CEP78: variants seen among roughly 807,000 people sequenced by gnomAD.
The protein encoded by CEP78 is centrosomal protein of 78 kDa.
In CEP78, 76 loss-of-function variants were observed where a neutral mutation model predicts 81.2. The ratio of observed to expected loss-of-function variants is 0.94; its 90% CI spans 0.78 to 1.13. The LOEUF (loss-of-function observed/expected upper bound fraction) is 1.13, where lower values mean the gene tolerates loss of function less well. CEP78 is among the 50% of genes most tolerant of loss of function. The probability of loss-of-function intolerance (pLI) is 0.00; values close to 1 mark genes in which losing one functional copy is unlikely to be tolerated. For missense variants in CEP78, 918 were observed against 846.8 expected, an observed-to-expected ratio of 1.08 and a Z score of -1.04; for synonymous variants, 293 against 301.4, an observed-to-expected ratio of 0.97 and a Z score of 0.29.
intron 5 of CEP78, among the ~76,000 whole-genome samples, chr9:78,244,069 T>A (rs1461630828): frequency 6.6e-6 from 1 of 151,942 alleles, no homozygotes; most frequent in Admixed American, 6.6e-5. Flanking sequence ...TTTGTGCTTT[T>A]CCCCTGTTAT....
In CEP78 at chr9:78,248,296, T is replaced by G; in HGVS notation, c.898T>G (p.Ser300Ala). The change falls in exon 7 of 17, where the codon TCT becomes GCT. Residue 300 changes from serine to alanine, a missense_variant. Transcript: ENST00000643273. The stretch of plus-strand genomic sequence containing the variant: ...CAATTTTTATTTTACTTTAGATCAT[T>G]CTATGATGAAAGCAGTTATCAAAAA... ...DIRKNPLIDH[S>A]MMKAVIKKVL... The G allele has an allele frequency of 1.3e-6, 2 of 1,531,466 alleles. No individual in the cohort carries two copies. The highest frequency in any genetic ancestry group is 1.8e-6 in the Non-Finnish European group (2 of 1,105,150). 94.9% of individuals were successfully genotyped at this position (1,531,466 alleles called of 1,614,324 possible). A position where few individuals can be genotyped will look rare whatever the true frequency, so the allele number is the denominator to read the frequency against.
rs1013736924 is a variant in CEP78 at position 78,264,247 on chromosome 9, G to A, written c.1556G>A (p.Gly519Asp). The change falls in exon 13 of 17, where the codon GGT (glycine) becomes GAT (aspartate). Residue 519 changes from glycine to aspartate, a missense_variant. Transcript: ENST00000643273. The part of the protein sequence containing the change: ...SLTNMILDDE[G>D]VLGSIENSFQ... Reference sequence around the variant, plus strand: ...ACAAATATGATCCTGGATGATGAAGGTGTTTTGGGCAGCATTGAGAATTCT... The same window carrying A: ...ACAAATATGATCCTGGATGATGAAGATGTTTTGGGCAGCATTGAGAATTCT... The A allele has an allele frequency of 1.9e-6, 3 of 1,611,584 alleles. No individual in the cohort carries two copies. Among genetic ancestry groups the A allele is most frequent in the Non-Finnish European group, 2.5e-6 (3 of 1,178,880 alleles).
At position 78,266,549 on chromosome 9, in the gene CEP78, C is replaced by G; in HGVS notation, c.1953C>G (p.Val651=). ...GAACTTCCAGCAACAACCTAGGAGTCCCAGCTACTGAGCAGCGGCAGGAGT... is the reference window on the plus strand; with the variant it reads ...GAACTTCCAGCAACAACCTAGGAGTGCCAGCTACTGAGCAGCGGCAGGAGT... ...GLGTSSNNLG[V]PATEQRQESF... Residue 651 remains valine (V), a synonymous_variant, in exon 16 of 17, where the codon GTC becomes GTG. Transcript: ENST00000643273. 1 of 1,613,908 alleles carries G rather than the reference C, an allele frequency of 6.2e-7. No homozygotes were observed. Among genetic ancestry groups the G allele is most frequent in the Non-Finnish European group, 8.5e-7 (1 of 1,179,862 alleles).
At chr9:78,252,781 A>G (rs1431037911) in intron 9 of CEP78, among the ~76,000 whole-genome samples, 1 of 152,232 alleles carries the variant, frequency 6.6e-6, no homozygotes, top group South Asian at 2.1e-4. Context: ...TTGTTAGGCA[A>G]CTGATGACTA....
At chr9:78,250,293 T>A in intron 8 of CEP78, 1 of 398,186 alleles carries the variant, frequency 2.5e-6, no homozygotes, top group Non-Finnish European at 4.4e-6. Context: ...GGCTTTATAT[T>A]TAATAGTTAG....
At chr9:78,267,105 C>A in intron 16 of CEP78, 2 of 1,029,596 alleles carry the variant, frequency 1.9e-6, no homozygotes, top group Non-Finnish European at 2.7e-6. Flanking sequence ...GGATTGGAAG[C>A]CACTAAAGGA....
chr9:78,273,481 C>G lies in CEP78; in HGVS notation c.*2630C>G, dbSNP rs1037655215. ...GGGCGCAGCGGCTCACGCCTGTAATCCTAGCACTTTGGGAGGCCGAGGTGG... is the reference window on the plus strand; with the variant it reads ...GGGCGCAGCGGCTCACGCCTGTAATGCTAGCACTTTGGGAGGCCGAGGTGG... On this transcript the variant is annotated 3_prime_UTR_variant, in exon 17 of 17. Transcript: ENST00000643273. The G allele has an allele frequency of 6.6e-6, 1 of 152,100 alleles. No individual in the cohort carries two copies. The highest frequency in any genetic ancestry group is 1.5e-5 in the Non-Finnish European group (1 of 68,052). The allele number at this position is 152,100 out of a possible 1,614,324, so 9.4% of individuals were successfully genotyped here. A position where few individuals can be genotyped will look rare whatever the true frequency, so the allele number is the denominator to read the frequency against.
At chr9:78,258,829 T>C (rs1391386561) in intron 11 of CEP78, among the ~76,000 whole-genome samples, 1 of 152,146 alleles carries the variant, frequency 6.6e-6, no homozygotes, top group South Asian at 2.1e-4. Context: ...TCCTATCAGA[T>C]TGGCAAAAAA....
chr9:78,254,967 A>G lies in CEP78; in HGVS notation c.1380+3A>G. On this transcript the variant is annotated splice_donor_region_variant and intron_variant, in intron 11 of 16. Transcript: ENST00000643273. ...GTATAGAACAAGAAGCATTACAGGT[A>G]CAAAGCTATCACTTTAAAGATATGG... The G allele has an allele frequency of 1.9e-6, 3 of 1,605,428 alleles. No individual in the cohort carries two copies. Among genetic ancestry groups the G allele is most frequent in the Non-Finnish European group, 2.6e-6 (3 of 1,175,408 alleles).
intron 8 of CEP78, among the ~76,000 whole-genome samples, chr9:78,251,140 C>G (rs936888780): frequency 2.6e-5 from 4 of 151,942 alleles, no homozygotes; most frequent in Admixed American, 1.3e-4. Context: ...CTTTTACTAC[C>G]AAATATTTCT....
Position 78,241,136 on chromosome 9 carries a change from G to A in CEP78, c.500-560G>A, listed in dbSNP as rs373377219. Among the ~76,000 whole-genome samples, 3 of 152,268 alleles carry A rather than the reference G, an allele frequency of 2.0e-5. No homozygotes were observed. In the South Asian group the frequency reaches 6.2e-4, roughly 32 times the overall value. ...GGGATCATGGAAATAGTCACAGAAG[G>A]TGACTGTTCGTTGGGATCCTGAAGT... On this transcript the variant is annotated intron_variant, in intron 3 of 16. Coordinates refer to ENST00000643273, the MANE Select transcript of CEP78 (RefSeq NM_001330691.3).
chr9:78,248,103 T>C (rs1826581293), intron 6 of CEP78, among the ~76,000 whole-genome samples, 188 bp from the exon 7 acceptor site: 1 of 152,182 alleles, frequency 6.6e-6, no homozygotes, highest in Non-Finnish European at 1.5e-5. Context: ...AATATGTGTG[T>C]AGGAATACTT....
Position 78,251,934 on chromosome 9 carries a change from A to G in CEP78, c.1096A>G (p.Ser366Gly). 2 of 1,608,372 alleles carry G rather than the reference A, an allele frequency of 1.2e-6. No homozygotes were observed. The highest frequency in any genetic ancestry group is 1.7e-6 in the Non-Finnish European group (2 of 1,176,088). The change falls in exon 9 of 17, where the codon AGT becomes GGT. Residue 366 changes from serine to glycine, a missense_variant. By Grantham distance (56) the Ser-to-Gly change is moderately conservative. Coordinates refer to ENST00000643273, the MANE Select transcript of CEP78 (RefSeq NM_001330691.3). ...ATTGGCTACAAAGAAACCTGTAAGT[A>G]GTGGCAGAAAACACTCCCTTGGTAA... ...IGLATKKPVS[S>G]GRKHSLGKEY...
intron 11 of CEP78, among the ~76,000 whole-genome samples, chr9:78,257,601 G>T (rs1040843557): frequency 2.0e-5 from 3 of 152,022 alleles, no homozygotes; most frequent in Non-Finnish European, 4.4e-5. Context: ...GAATGAGGGA[G>T]GGGGAAAGAG....
chr9:78,249,637 A>G (rs1826660576), intron 8 of CEP78: 1 of 151,878 alleles, frequency 6.6e-6, no homozygotes, highest in South Asian at 2.1e-4. Context: ...ATCTAGTTCT[A>G]CTGATATTTT....
At chr9:78,270,661 A>G (rs923329381) in intron 16 of CEP78, among the ~76,000 whole-genome samples, 180 bp from the exon 17 acceptor site, 1 of 152,240 alleles carries the variant, frequency 6.6e-6, no homozygotes, top group Middle Eastern at 3.2e-3. Context: ...TCTATATCCA[A>G]TAATGAGTTC....
chr9:78,257,392 C>T lies in CEP78; in HGVS notation c.1380+2428C>T, dbSNP rs141233655. On this transcript the variant is annotated intron_variant, in intron 11 of 16. Transcript: ENST00000643273. ...TGAATAGGACATTTTGGACCTCCTG[C>T]GCTATACTTTTTCTTGTTATTTGAA... 3.6e-4 allele frequency among the ~76,000 whole-genome samples: 55 copies of T among 152,218 alleles called. No homozygotes were observed. The East Asian group carries it at 7.7e-3, about 21-fold the overall frequency.
At position 78,276,116 on chromosome 9, in the gene CEP78, G is replaced by C. The variant is rs1166223127; in HGVS notation, c.*5265G>C. On this transcript the variant is annotated 3_prime_UTR_variant, in exon 17 of 17. Transcript: ENST00000643273. ...AACTAAACCAAATTCAATTAATGTAGGTGCAAAAAATCCAAAATAAAACTA... is the reference window on the plus strand; with the variant it reads ...AACTAAACCAAATTCAATTAATGTACGTGCAAAAAATCCAAAATAAAACTA... 6.6e-6 allele frequency: 1 copy of C among 152,094 alleles called. No individual in the cohort carries two copies. The highest frequency in any genetic ancestry group is 1.5e-5 in the Non-Finnish European group (1 of 68,018). 9.4% of individuals were successfully genotyped at this position (152,094 alleles called of 1,614,324 possible).
chr9:78,262,845 G>C (rs895801858), intron 11 of CEP78, 62 bp from the exon 12 acceptor site: 10 of 1,031,652 alleles, frequency 9.7e-6, no homozygotes, highest in African/African-American at 3.2e-5. Context: ...TCAACAGCTG[G>C]AAGAGTTTTG....
Sources: gnomAD v4.1 joint callset for allele counts (sites outside exome capture counted in the v4.1 genomes callset) on GRCh38, gnomAD v4.1.1 for gene constraint, MANE v1.5 for transcripts, NCBI Gene and HGNC (gene_info 2026-07-23, HGNC 2026-07-21) for gene names.